Variants in VPS13D observed in about 807,000 individuals in gnomAD.
VPS13D encodes the protein intermembrane lipid transfer protein VPS13D.
Under a neutral mutation model 461.9 loss-of-function variants are expected in VPS13D, and 187 were observed. The observed-to-expected ratio is 0.40, with a 90% CI of 0.36 to 0.46. The LOEUF is 0.46. VPS13D is among the 20% of genes least tolerant of loss of function. The pLI is 0.60. For synonymous variants in VPS13D, 1,951 were observed against 1,986.3 expected (o/e 0.98, Z 0.47); for missense variants, 4,711 against 5,364.9 (o/e 0.88, Z 3.81).
Position 12,477,554 on chromosome 1 carries a change from A to T in VPS13D, c.12662+17158A>T, listed in dbSNP as rs995632483. ...TCCAGGAAAGCCCTCCTCTTGGGCT[A>T]AACTCTAAAACTAAAATGAAGTCCT... On this transcript the variant is annotated intron_variant, in intron 67 of 69. Coordinates refer to ENST00000620676, the MANE Select transcript of VPS13D (RefSeq NM_015378.4). 3.3e-5 allele frequency among the ~76,000 whole-genome samples: 5 copies of T among 152,186 alleles called. No individual in the cohort carries two copies. The East Asian group carries it at 9.6e-4, about 29-fold the overall frequency.
intron 65 of VPS13D, among the ~76,000 whole-genome samples, chr1:12,449,629 G>A (rs1265556530): frequency 6.6e-6 from 1 of 152,112 alleles, no homozygotes; most frequent in Non-Finnish European, 1.5e-5. Context: ...AGTATGAAAC[G>A]GAAGTCAGTG....
In VPS13D at chr1:12,348,838, C is replaced by G. The variant is rs371630517; in HGVS notation, c.9085C>G (p.Pro3029Ala). 28 of 1,614,186 alleles carry G rather than the reference C, an allele frequency of 1.7e-5. No homozygotes were observed. Among genetic ancestry groups the G allele is most frequent in the South Asian group, 6.6e-5 (6 of 91,078 alleles). ...TCTTTCACAGTTCTCTTCACTCCCACCAGTGCGGGTGGTCTTTGCAGTGAC... is the reference window on the plus strand; with the variant it reads ...TCTTTCACAGTTCTCTTCACTCCCAGCAGTGCGGGTGGTCTTTGCAGTGAC... Reference protein sequence around the residue: ...HPQVYFSSLPPVRVVFAVTME... With the variant: ...HPQVYFSSLPAVRVVFAVTME... The change falls in exon 45 of 70, where the codon CCA (proline) becomes GCA (alanine). Residue 3029 changes from proline to alanine, a missense_variant. Physicochemically the swap from Pro to Ala is conservative, Grantham distance 27. Around this residue, in one of 3 missense-constraint regions of VPS13D, gnomAD observed 4,411 missense variants for 4,937.8 expected, o/e 0.89. Coordinates refer to ENST00000620676, the MANE Select transcript of VPS13D (RefSeq NM_015378.4).
At chr1:12,319,721 G>A in intron 32 of VPS13D, 91 bp downstream of exon 32, 1 of 1,569,724 alleles carries the variant, frequency 6.4e-7, no homozygotes, top group Non-Finnish European at 8.7e-7. Flanking sequence ...CTTTCATGAG[G>A]GGAAGGAATT....
intron 65 of VPS13D, among the ~76,000 whole-genome samples, chr1:12,441,599 A>T (rs1310775952): frequency 6.6e-6 from 1 of 152,196 alleles, no homozygotes; most frequent in Admixed American, 6.5e-5. Flanking sequence ...GAAGTCACAG[A>T]TTTGAAGGGT....
intron 2 of VPS13D, among the ~76,000 whole-genome samples, chr1:12,239,536 G>A (rs898490251): frequency 6.6e-6 from 1 of 152,214 alleles, no homozygotes; most frequent in Admixed American, 6.5e-5. Flanking sequence ...AAACTTGCAG[G>A]GTGTTTTTGA....
intron 65 of VPS13D, among the ~76,000 whole-genome samples, chr1:12,441,675 C>T (rs1009045976): frequency 6.6e-6 from 1 of 152,150 alleles, no homozygotes; most frequent in Non-Finnish European, 1.5e-5. Context: ...ATGAGCTGTC[C>T]CCCCACCTTC....
chr1:12,432,960 C>G (rs1645011932), intron 65 of VPS13D, among the ~76,000 whole-genome samples: 2 of 152,178 alleles, frequency 1.3e-5, no homozygotes, highest in South Asian at 4.1e-4. Flanking sequence ...AAATGACTGC[C>G]CCACCAGTCC....
chr1:12,478,909 A>G (rs1316300972), intron 67 of VPS13D: 1 of 455,312 alleles, frequency 2.2e-6, no homozygotes, highest in Admixed American at 2.3e-5. Flanking sequence ...GCTCTTGTCA[A>G]GCTTGGGATG....
Position 12,403,873 on chromosome 1 carries a change from G to A in VPS13D, c.11930G>A (p.Gly3977Asp). The A allele has an allele frequency of 6.2e-7, 1 of 1,612,380 alleles. No individual in the cohort carries two copies. ...CTCCATGAAAAGACAGCTGAGCAAG[G>A]TGGAACACCAATTCGATACTACTTT... ...ENLHEKTAEQ[G>D]GTPIRYYFEN... Residue 3977 changes from glycine to aspartate, a missense_variant, in exon 63 of 70, where the codon GGT (glycine) becomes GAT (aspartate). By Grantham distance (94) the Gly-to-Asp change is moderately conservative (BLOSUM62 -1). Around this residue, in one of 3 missense-constraint regions of VPS13D, gnomAD observed 4,411 missense variants for 4,937.8 expected, o/e 0.89. Transcript: ENST00000620676.
chr1:12,247,280 G>A (rs1281009278), intron 5 of VPS13D, among the ~76,000 whole-genome samples: 1 of 152,058 alleles, frequency 6.6e-6, no homozygotes, highest in Non-Finnish European at 1.5e-5. Context: ...AGACATGGTG[G>A]CATGTGCGTG....
intron 16 of VPS13D, 51 bp from the exon 17 acceptor site, chr1:12,270,943 C>T (rs769310833): frequency 2.5e-6 from 4 of 1,591,604 alleles, no homozygotes; most frequent in Non-Finnish European, 3.4e-6. Flanking sequence ...CACTTTTGTT[C>T]ACCCAGCCGT....
At position 12,382,024 on chromosome 1, in the gene VPS13D, CCTTT is replaced by C. The variant is rs201797866; in HGVS notation, c.11191-945_11191-942del. Among the ~76,000 whole-genome samples, 1,339 of 142,250 alleles carry C rather than the reference CCTTT, an allele frequency of 9.4e-3. 25 individuals carry two copies. Among genetic ancestry groups the C allele is most frequent in the African/African-American group, 0.027 (1,032 of 38,092 alleles). 93.3% of individuals were successfully genotyped at this position (142,250 alleles called of 152,430 possible). ...TCCTTCCTTTCTTCCTTCCTTCCTT[CCTTT>C]CTTTCTCTTTCTTTCTTTCTTTCTT... On this transcript the variant is annotated intron_variant, in intron 57 of 69. Coordinates refer to ENST00000620676, the MANE Select transcript of VPS13D (RefSeq NM_015378.4).
intron 50 of VPS13D, among the ~76,000 whole-genome samples, chr1:12,361,061 A>G (rs186202031): frequency 2.0e-4 from 30 of 152,320 alleles, no homozygotes; most frequent in Admixed American, 2.0e-4. Flanking sequence ...TAGCTGCGTG[A>G]CATAGAGTCA....
intron 44 of VPS13D, among the ~76,000 whole-genome samples, chr1:12,347,103 A>G (rs1294459145): frequency 6.6e-6 from 1 of 152,182 alleles, no homozygotes; most frequent in African/African-American, 2.4e-5. Flanking sequence ...CTTCTCCCTG[A>G]TGATTGTAGG....
At chr1:12,292,262 C>CAAA (rs766212937) in intron 23 of VPS13D, among the ~76,000 whole-genome samples, 28 of 12,166 alleles carry the variant, frequency 2.3e-3, no homozygotes, top group East Asian at 6.0e-3. Context: ...AACTCCATCT[C>CAAA]AAAAAAAAAA....
intron 65 of VPS13D, among the ~76,000 whole-genome samples, chr1:12,424,501 G>A (rs1205665503): frequency 6.6e-6 from 1 of 152,138 alleles, no homozygotes; most frequent in African/African-American, 2.4e-5. Flanking sequence ...CATGAGAACT[G>A]CAAGTGACCA....
intron 53 of VPS13D, 107 bp downstream of exon 53, chr1:12,368,698 G>A: frequency 7.5e-7 from 1 of 1,336,360 alleles, no homozygotes; most frequent in Non-Finnish European, 9.9e-7. Flanking sequence ...TGGGTTTAAA[G>A]GAAACTATAT....
At chr1:12,321,145 T>A (rs888908176) in intron 32 of VPS13D, among the ~76,000 whole-genome samples, 7 of 152,222 alleles carry the variant, frequency 4.6e-5, no homozygotes, top group African/African-American at 1.7e-4. Flanking sequence ...AATGAATGTA[T>A]TTATTTTTTA....
At chr1:12,345,828 C>T (rs1373889091) in intron 43 of VPS13D, among the ~76,000 whole-genome samples, 1 of 152,186 alleles carries the variant, frequency 6.6e-6, no homozygotes, top group African/African-American at 2.4e-5. Context: ...TATTGTTATG[C>T]TGTCCATATA....
Sources: gnomAD v4.1 joint callset for allele counts (sites outside exome capture counted in the v4.1 genomes callset) on GRCh38, gnomAD v4.1.1 for gene constraint, gnomAD v4.1.1 regional missense constraint, MANE v1.5 for transcripts, NCBI Gene and HGNC (gene_info 2026-07-23, HGNC 2026-07-21) for gene names.